NEBL: variants seen among roughly 807,000 people sequenced by gnomAD.
The protein encoded by NEBL is nebulette, also known as LIM and SH3 protein 2.
In NEBL, 122 loss-of-function variants were observed where a neutral mutation model predicts 140.2. The observed-to-expected ratio is 0.87, with a 90% CI of 0.75 to 1.01. The LOEUF (loss-of-function observed/expected upper bound fraction) is 1.01. Ranked by LOEUF, NEBL falls within the 50% of genes least tolerant of loss-of-function variation. NEBL has a pLI of 0.00. For synonymous variants in NEBL, 436 were observed against 398.9 expected (o/e 1.09, Z -1.11); for missense variants, 1,365 against 1,231.3 (o/e 1.11, Z -1.62).
chr10:21,074,696 T>A (rs902585064), intron 2 of NEBL, among the ~76,000 whole-genome samples: 1 of 152,100 alleles, frequency 6.6e-6, no homozygotes, highest in Non-Finnish European at 1.5e-5. Context: ...GCCAGGATGA[T>A]CTTGATCTCC....
intron 3 of NEBL, among the ~76,000 whole-genome samples, chr10:21,200,190 C>A (rs1402967537): frequency 3.9e-5 from 6 of 151,990 alleles, no homozygotes; most frequent in African/African-American, 1.4e-4. Flanking sequence ...CCACTCGCTA[C>A]TCAGACTCAG....
At chr10:21,073,563 G>T (rs951548218) in intron 2 of NEBL, among the ~76,000 whole-genome samples, 1 of 146,758 alleles carries the variant, frequency 6.8e-6, no homozygotes, top group Non-Finnish European at 1.5e-5. Context: ...GTTGCAGTGA[G>T]CCTAGAATGC....
intron 3 of NEBL, among the ~76,000 whole-genome samples, chr10:21,211,644 G>C (rs918052167): frequency 4.6e-5 from 7 of 152,126 alleles, no homozygotes; most frequent in African/African-American, 1.7e-4. Flanking sequence ...ATCTCCTCTT[G>C]AACAGAGATG....
chr10:20,835,158 T>C (rs1480830018), intron 14 of NEBL, among the ~76,000 whole-genome samples: 2 of 152,196 alleles, frequency 1.3e-5, no homozygotes, highest in Non-Finnish European at 2.9e-5. Context: ...GAAATACAGA[T>C]ATGCCAAGCA....
At chr10:21,287,307 A>G (rs1843069752) in intron 1 of NEBL, among the ~76,000 whole-genome samples, 1 of 152,142 alleles carries the variant, frequency 6.6e-6, no homozygotes, top group South Asian at 2.1e-4. Flanking sequence ...AGGCCGAGGC[A>G]GGTGGATCAC....
intron 4 of NEBL, among the ~76,000 whole-genome samples, chr10:20,921,126 C>A (rs1833560421): frequency 6.6e-6 from 1 of 152,182 alleles, no homozygotes; most frequent in Admixed American, 6.5e-5. Flanking sequence ...GAAGTTATGC[C>A]TTTTCCTAAC....
rs112101379 is a variant in NEBL at position 21,152,138 on chromosome 10, C to T, written c.164+20245G>A. Reference sequence around the variant, plus strand: ...AAATGGGACAGAGAAGGCAAGTCTTCCAGGGCCTGCGAGGAATGCAGGCGG... The same window carrying T: ...AAATGGGACAGAGAAGGCAAGTCTTTCAGGGCCTGCGAGGAATGCAGGCGG... On this transcript the variant is annotated intron_variant, in intron 2 of 6. Coordinates refer to the NEBL transcript ENST00000417816. 2.3e-3 allele frequency among the ~76,000 whole-genome samples: 343 copies of T among 152,294 alleles called. 1 individual carries two copies. The highest frequency in any genetic ancestry group is 7.6e-3 in the African/African-American group (315 of 41,546).
chr10:21,195,899 T>A (rs908303224), intron 3 of NEBL, among the ~76,000 whole-genome samples: 14 of 152,330 alleles, frequency 9.2e-5, no homozygotes, highest in African/African-American at 3.4e-4. Context: ...GGGCTGTATA[T>A]TCCCACAACC....
intron 3 of NEBL, among the ~76,000 whole-genome samples, chr10:20,971,088 C>T (rs1212285843): frequency 6.6e-6 from 1 of 152,148 alleles, no homozygotes; most frequent in Non-Finnish European, 1.5e-5. Flanking sequence ...TTTAACACAA[C>T]CTACATTTCA....
intron 3 of NEBL, among the ~76,000 whole-genome samples, chr10:21,226,464 T>C (rs2132249683): frequency 6.6e-6 from 1 of 152,282 alleles, no homozygotes; most frequent in Middle Eastern, 3.4e-3. Context: ...AAAATTGCAG[T>C]CCTGGTGGCC....
chr10:20,846,622 C>T (rs1210653525), intron 11 of NEBL, among the ~76,000 whole-genome samples: 1 of 152,194 alleles, frequency 6.6e-6, no homozygotes, highest in East Asian at 1.9e-4. Flanking sequence ...TTTCCTCTTC[C>T]TTATGTGGAA....
intron 3 of NEBL, among the ~76,000 whole-genome samples, chr10:21,226,791 C>A (rs937896021): frequency 2.6e-5 from 4 of 152,258 alleles, no homozygotes; most frequent in South Asian, 4.1e-4. Context: ...TCTTTCCCAC[C>A]CTCTTCAGTG....
rs561521823 is a variant in NEBL at position 20,868,780 on chromosome 10, T to G, written c.583-15A>C. 6.5e-7 allele frequency: 1 copy of G among 1,535,108 alleles called. No individual in the cohort carries two copies. On this transcript the variant is annotated splice_polypyrimidine_tract_variant and intron_variant, in intron 6 of 27. Transcript: ENST00000377122. ...TTGTATTCTGCCTAAAATGAATAAATAAGACAATGTTAAATATTTCTACCC... is the reference window on the plus strand; with the variant it reads ...TTGTATTCTGCCTAAAATGAATAAAGAAGACAATGTTAAATATTTCTACCC...
intron 4 of NEBL, among the ~76,000 whole-genome samples, chr10:20,909,266 T>G (rs1267887646): frequency 1.3e-5 from 2 of 151,902 alleles, no homozygotes; most frequent in Non-Finnish European, 2.9e-5. Flanking sequence ...TTTTTACCCT[T>G]TAACAGTTCC....
At chr10:20,822,346 T>C (rs894873962) in intron 19 of NEBL, among the ~76,000 whole-genome samples, 2 of 151,930 alleles carry the variant, frequency 1.3e-5, no homozygotes, top group African/African-American at 4.8e-5. Context: ...ATATGTTATC[T>C]ATCTATCTAT....
In NEBL at chr10:20,858,245, T is replaced by C; in HGVS notation, c.898A>G (p.Ser300Gly). The C allele has an allele frequency of 6.2e-7, 1 of 1,600,318 alleles. No homozygotes were observed. ...DHVLKASKML[S>G]GREYKKLFEE... is the part of the protein sequence containing the mutation. ...CCGCTAGATGAACCACTTACGCCGCTGAGCATTTTGCTGGCTTTCAAAACA... is the reference window on the plus strand; with the variant it reads ...CCGCTAGATGAACCACTTACGCCGCCGAGCATTTTGCTGGCTTTCAAAACA... The change falls in exon 9 of 28, where the codon AGC becomes GGC. Residue 300 changes from serine (S) to glycine (G), a missense_variant. Coordinates refer to ENST00000377122, the MANE Select transcript of NEBL (RefSeq NM_006393.3).
At chr10:21,227,696 TTCTTCTTCTTCTTCTTTCTTCTTCTTC>T (rs1842176008) in intron 3 of NEBL, among the ~76,000 whole-genome samples, 10 of 88,550 alleles carry the variant, frequency 1.1e-4, no homozygotes, top group African/African-American at 4.2e-4. Context: ...CTTCTTCTTC[TTCTTCTTCTTCTTCTTTCTTCTTCTTC>T]TTCTTCTTCT....
chr10:20,971,604 A>C (rs1404914754), intron 3 of NEBL, among the ~76,000 whole-genome samples: 106 of 52,312 alleles, frequency 2.0e-3, no homozygotes, highest in East Asian at 5.6e-3. Context: ...CCCTCCCCCA[A>C]CCCTAGAATT....
At chr10:21,107,628 T>C (rs1378881260) in intron 2 of NEBL, among the ~76,000 whole-genome samples, 2 of 152,230 alleles carry the variant, frequency 1.3e-5, no homozygotes, top group Admixed American at 1.3e-4. Flanking sequence ...CCTAAAATTC[T>C]CTTTTTTTGT....
Sources: allele counts gnomAD v4.1 joint callset (sites outside exome capture counted in the v4.1 genomes callset), GRCh38; gene constraint gnomAD v4.1.1; transcripts MANE v1.5; gene names NCBI Gene and HGNC (gene_info 2026-07-23, HGNC 2026-07-21).